MGAT4C: variants seen among roughly 807,000 people sequenced by gnomAD.
The protein encoded by MGAT4C is MGAT4 family member C.
In MGAT4C, 19 loss-of-function variants were observed where a neutral mutation model predicts 40.1. The ratio of observed to expected loss-of-function variants is 0.47; its 90% CI spans 0.33 to 0.70. The LOEUF is 0.70. Among genes scored for constraint, MGAT4C ranks in the 30% least tolerant of loss-of-function variants. The pLI, the probability that MGAT4C is intolerant of heterozygous loss-of-function variation, is 0.02. For missense variants in MGAT4C, 491 were observed against 563.2 expected (o/e 0.87, Z 1.30); for synonymous variants, 181 against 187.1 (o/e 0.97, Z 0.27).
At chr12:86,019,129 T>A (rs1258150022) in intron 2 of MGAT4C, among the ~76,000 whole-genome samples, 1 of 152,122 alleles carries the variant, frequency 6.6e-6, no homozygotes. Flanking sequence ...TAACTCGTTC[T>A]GAGAAAAGTT....
At chr12:86,437,480 T>C (rs2136274788) in intron 2 of MGAT4C, among the ~76,000 whole-genome samples, 1 of 151,954 alleles carries the variant, frequency 6.6e-6, no homozygotes, top group African/African-American at 2.4e-5. Context: ...CAAAATAAAA[T>C]TATCATAACA....
intron 2 of MGAT4C, among the ~76,000 whole-genome samples, chr12:86,037,556 T>C (rs1279476226): frequency 6.7e-6 from 1 of 150,266 alleles, no homozygotes; most frequent in Admixed American, 6.7e-5. Flanking sequence ...TACGCAGTAG[T>C]CATTCAGGAG....
chr12:86,123,319 T>C (rs1188655604), intron 1 of MGAT4C, among the ~76,000 whole-genome samples: 2 of 152,122 alleles, frequency 1.3e-5, no homozygotes, highest in South Asian at 2.1e-4. Flanking sequence ...AAAAAGTATA[T>C]GATTACTGTT....
At chr12:86,651,167 C>T (rs558479280) in intron 2 of MGAT4C, among the ~76,000 whole-genome samples, 1 of 151,804 alleles carries the variant, frequency 6.6e-6, no homozygotes, top group African/African-American at 2.4e-5. Context: ...GTGCTATCCA[C>T]CTTTTACAAA....
At chr12:86,816,526 A>C (rs1952610166) in intron 1 of MGAT4C, among the ~76,000 whole-genome samples, 2 of 151,890 alleles carry the variant, frequency 1.3e-5, no homozygotes, top group Admixed American at 6.6e-5. Flanking sequence ...AACAAGCTTT[A>C]ATATGAAGGT....
intron 3 of MGAT4C, among the ~76,000 whole-genome samples, chr12:86,343,396 C>T (rs1440844828): frequency 6.6e-6 from 1 of 152,272 alleles, no homozygotes; most frequent in South Asian, 2.1e-4. Flanking sequence ...AAGCATTTTT[C>T]TCCTCCCTTA....
chr12:86,784,168 T>C (rs148795424), intron 1 of MGAT4C, among the ~76,000 whole-genome samples: 2 of 152,200 alleles, frequency 1.3e-5, no homozygotes, highest in African/African-American at 4.8e-5. Flanking sequence ...CCCTAGTACG[T>C]AATTAGGAAG....
At chr12:86,744,007 G>C (rs1303148459) in intron 1 of MGAT4C, among the ~76,000 whole-genome samples, 1 of 151,508 alleles carries the variant, frequency 6.6e-6, no homozygotes. Flanking sequence ...AACCAACAAG[G>C]CATATGGAAG....
intron 1 of MGAT4C, among the ~76,000 whole-genome samples, chr12:86,051,404 G>A (rs774843547): frequency 6.6e-6 from 1 of 151,822 alleles, no homozygotes; most frequent in Non-Finnish European, 1.5e-5. Flanking sequence ...ACACACTGTA[G>A]GCACAGGACT....
intron 2 of MGAT4C, among the ~76,000 whole-genome samples, chr12:86,026,346 A>G (rs931098738): frequency 6.6e-6 from 1 of 151,776 alleles, no homozygotes; most frequent in African/African-American, 2.4e-5. Flanking sequence ...ACACACAGAC[A>G]CACACACAAA....
chr12:86,556,341 A>T (rs1166425804), intron 2 of MGAT4C, among the ~76,000 whole-genome samples: 1 of 152,178 alleles, frequency 6.6e-6, no homozygotes, highest in Admixed American at 6.5e-5. Flanking sequence ...TCTTGCTTTC[A>T]AGAAACTTTT....
At chr12:86,837,891 T>C (rs1053228875) in intron 1 of MGAT4C, among the ~76,000 whole-genome samples, 1 of 152,180 alleles carries the variant, frequency 6.6e-6, no homozygotes, top group Non-Finnish European at 1.5e-5. Context: ...GGGATAAATT[T>C]CAGTTTCGAA....
At chr12:86,706,151 G>A (rs1950452854) in intron 2 of MGAT4C, among the ~76,000 whole-genome samples, 1 of 152,094 alleles carries the variant, frequency 6.6e-6, no homozygotes, top group African/African-American at 2.4e-5. Context: ...TTGCTGTGAT[G>A]ATCTTAGACA....
chr12:86,550,895 C>A (rs1484527649), intron 2 of MGAT4C, among the ~76,000 whole-genome samples: 1 of 152,222 alleles, frequency 6.6e-6, no homozygotes, highest in Non-Finnish European at 1.5e-5. Flanking sequence ...CCCTACATTG[C>A]TTCCCCACTC....
rs546291615 is a variant in MGAT4C at position 86,427,067 on chromosome 12, GA to G, written c.-120+8089del. Reference sequence around the variant, plus strand: ...GCCTTATTAATGTCAGCTAACTGGGGAAGGAGGTATTGGGGAAAGAAAGGCC... The same window carrying G: ...GCCTTATTAATGTCAGCTAACTGGGGAGGAGGTATTGGGGAAAGAAAGGCC... On this transcript the variant is annotated intron_variant, in intron 3 of 7. Transcript: ENST00000548651. Among the ~76,000 whole-genome samples, 457 of 152,246 alleles carry G rather than the reference GA, an allele frequency of 3.0e-3. 3 individuals are homozygous for G. The highest frequency in any genetic ancestry group is 3.0e-3 in the Non-Finnish European group (206 of 68,028).
In MGAT4C at chr12:85,957,657, C is replaced by CAAAAAAAAAAAAAAAGAA. The variant is rs1882870860; in HGVS notation, c.*21631_*21632insTTCTTTTTTTTTTTTTTT. 5 of 101,296 alleles carry CAAAAAAAAAAAAAAAGAA rather than the reference C, an allele frequency of 4.9e-5. No individual in the cohort carries two copies. The highest frequency in any genetic ancestry group is 8.1e-5 in the African/African-American group (2 of 24,784). The allele number at this position is 101,296 out of a possible 1,614,324, so 6.3% of individuals were successfully genotyped here. A position where few individuals can be genotyped will look rare whatever the true frequency, so the allele number is the denominator to read the frequency against. On this transcript the variant is annotated 3_prime_UTR_variant, in exon 5 of 5. Coordinates refer to ENST00000611864, the MANE Select transcript of MGAT4C (RefSeq NM_001351288.2). Reference sequence around the variant, plus strand: ...TTTACTGTAGAGTTGAATAAGAAAGCAAAAAAAAAAAAAAAAGAAAAAAGA... The same window carrying CAAAAAAAAAAAAAAAGAA: ...TTTACTGTAGAGTTGAATAAGAAAGCAAAAAAAAAAAAAAAGAAAAAAAAAAAAAAAAAAGAAAAAAGA...
intron 2 of MGAT4C, among the ~76,000 whole-genome samples, chr12:86,711,544 T>C (rs1480386477): frequency 6.6e-6 from 1 of 152,174 alleles, no homozygotes; most frequent in Non-Finnish European, 1.5e-5. Flanking sequence ...TAATTAAAAA[T>C]TGGTTTTTGG....
Position 86,408,005 on chromosome 12 carries a change from G to T in MGAT4C, c.-120+27152C>A, listed in dbSNP as rs186782457. Reference sequence around the variant, plus strand: ...ATGGGTATATATTGCACCCTGCAATGCAATTGACTCTAATGTTGTTGCCAG... The same window carrying T: ...ATGGGTATATATTGCACCCTGCAATTCAATTGACTCTAATGTTGTTGCCAG... On this transcript the variant is annotated intron_variant, in intron 3 of 7. Coordinates refer to the MGAT4C transcript ENST00000548651. 4.4e-3 allele frequency among the ~76,000 whole-genome samples: 667 copies of T among 152,152 alleles called. 18 individuals carry two copies. The highest frequency in any genetic ancestry group is 1.8e-3 in the Non-Finnish European group (124 of 67,976).
In MGAT4C at chr12:85,968,917, T is replaced by G. The variant is rs1056511512; in HGVS notation, c.*10372A>C. On this transcript the variant is annotated 3_prime_UTR_variant, in exon 5 of 5. Transcript: ENST00000611864. ...TTCACTAACAAGGTCAGAGTTTTGA[T>G]ACATCACTTAACTCAAACTTTGAGA... 7.9e-5 allele frequency: 12 copies of G among 151,868 alleles called. No homozygotes were observed. The highest frequency in any genetic ancestry group is 2.0e-4 in the Admixed American group (3 of 15,220). The allele number at this position is 151,868 out of a possible 1,614,324, so 9.4% of individuals were successfully genotyped here.
Sources: allele counts gnomAD v4.1 joint callset (sites outside exome capture counted in the v4.1 genomes callset), GRCh38; gene constraint gnomAD v4.1.1; transcripts MANE v1.5; gene names NCBI Gene and HGNC (gene_info 2026-07-23, HGNC 2026-07-21).